The following ROBO1 variants were observed in gnomAD, a reference collection of about 807,000 sequenced individuals.
ROBO1 encodes roundabout homolog 1.
In ROBO1, 149 loss-of-function variants were observed where a neutral mutation model predicts 195.9. The observed-to-expected ratio is 0.76, with a 90% confidence interval of 0.67 to 0.87. The LOEUF (loss-of-function observed/expected upper bound fraction) is 0.87. Ranked by LOEUF, ROBO1 falls within the 40% of genes least tolerant of loss-of-function variation. The pLI is 0.00. For synonymous variants in ROBO1, 816 were observed against 733.2 expected, an observed-to-expected ratio of 1.11 and a Z score of -1.82; for missense variants, 1,933 against 2,068.3, an observed-to-expected ratio of 0.93 and a Z score of 1.27.
intron 2 of ROBO1, among the ~76,000 whole-genome samples, chr3:79,438,478 C>T (rs974738643): frequency 5.9e-5 from 9 of 151,812 alleles, no homozygotes; most frequent in Non-Finnish European, 1.3e-4. Flanking sequence ...GTAGGTGTAC[C>T]AAGGAGTTAA....
chr3:79,429,892 TATAAG>T (rs1461159929), intron 2 of ROBO1, among the ~76,000 whole-genome samples: 60 of 152,202 alleles, frequency 3.9e-4, no homozygotes, highest in Non-Finnish European at 5.4e-4. Flanking sequence ...TCTTCTTAAA[TATAAG>T]ATATGTCTGA....
chr3:79,558,192 T>G (rs1942781633), intron 2 of ROBO1, among the ~76,000 whole-genome samples: 1 of 152,160 alleles, frequency 6.6e-6, no homozygotes, highest in East Asian at 1.9e-4. Flanking sequence ...CTGCCTCTCC[T>G]GCCTTCCCCT....
intron 3 of ROBO1, among the ~76,000 whole-genome samples, chr3:79,111,231 G>A (rs999814164): frequency 3.3e-5 from 5 of 152,266 alleles, no homozygotes; most frequent in Admixed American, 6.5e-5. Context: ...TATTGTAGCC[G>A]AAATGTGACA....
chr3:78,868,687 A>C (rs1368399169), intron 4 of ROBO1, among the ~76,000 whole-genome samples: 3 of 152,164 alleles, frequency 2.0e-5, no homozygotes, highest in Admixed American at 6.5e-5. Context: ...GCCTTATATA[A>C]CACTGAAGCA....
At chr3:79,435,151 A>G (rs1036733271) in intron 2 of ROBO1, among the ~76,000 whole-genome samples, 2 of 152,224 alleles carry the variant, frequency 1.3e-5, no homozygotes, top group African/African-American at 4.8e-5. Flanking sequence ...AACATGACAC[A>G]TGTATACATA....
In ROBO1 at chr3:78,771,761, C is replaced by A. The variant is rs139656592; in HGVS notation, c.500-24861G>T. On this transcript the variant is annotated intron_variant, in intron 4 of 30. Transcript: ENST00000464233. The stretch of plus-strand genomic sequence containing the variant: ...TTTTATATCCTGAAACTTTACTACT[C>A]ATTTATCAGTTCCAGGAGTCTTTTG... 3.0e-3 allele frequency among the ~76,000 whole-genome samples: 452 copies of A among 152,206 alleles called. 5 individuals carry two copies. Among genetic ancestry groups the A allele is most frequent in the African/African-American group, 1.0e-2 (414 of 41,548 alleles).
chr3:78,629,140 A>C (rs1459811464), intron 25 of ROBO1, among the ~76,000 whole-genome samples: 1 of 152,136 alleles, frequency 6.6e-6, no homozygotes, highest in African/African-American at 2.4e-5. Flanking sequence ...CCAGGAGACC[A>C]CATCTGTGTG....
chr3:79,035,506 G>C (rs1313530511), intron 3 of ROBO1, among the ~76,000 whole-genome samples: 1 of 152,088 alleles, frequency 6.6e-6, no homozygotes, highest in African/African-American at 2.4e-5. Context: ...GATCACTCGA[G>C]GCCAGGAATT....
At chr3:78,661,297 T>C (rs370517975) in intron 15 of ROBO1, 36 bp from the exon 16 acceptor site, 1 of 1,254,622 alleles carries the variant, frequency 8.0e-7, no homozygotes, top group Non-Finnish European at 1.1e-6. Flanking sequence ...ATTATTCATA[T>C]TATTGTATTG....
At chr3:79,417,159 G>C (rs1424956712) in intron 2 of ROBO1, among the ~76,000 whole-genome samples, 1 of 152,124 alleles carries the variant, frequency 6.6e-6, no homozygotes, top group African/African-American at 2.4e-5. Flanking sequence ...CTATTGAGAA[G>C]GGGGTGGAAA....
At chr3:79,598,712 T>A (rs1419427606) in intron 1 of ROBO1, among the ~76,000 whole-genome samples, 2 of 151,852 alleles carry the variant, frequency 1.3e-5, no homozygotes, top group African/African-American at 4.8e-5. Context: ...GCCCCCTCCA[T>A]CACCTGAGAT....
At chr3:79,202,956 T>G (rs139485984) in intron 2 of ROBO1, among the ~76,000 whole-genome samples, 9 of 152,250 alleles carry the variant, frequency 5.9e-5, no homozygotes, top group African/African-American at 1.9e-4. Flanking sequence ...CTCTACCCTC[T>G]CATCCAGCTG....
chr3:78,997,555 C>T (rs2077398735), intron 3 of ROBO1, among the ~76,000 whole-genome samples: 1 of 152,102 alleles, frequency 6.6e-6, no homozygotes, highest in Non-Finnish European at 1.5e-5. Flanking sequence ...GGGTTCTAGG[C>T]ACACAGAGAT....
At chr3:78,649,125 T>TAAA (rs5850379) in intron 19 of ROBO1, among the ~76,000 whole-genome samples, 1 of 132,304 alleles carries the variant, frequency 7.6e-6, no homozygotes, top group African/African-American at 2.7e-5. Flanking sequence ...CAAGTCTTCA[T>TAAA]AAAAAAAAAA....
intron 4 of ROBO1, among the ~76,000 whole-genome samples, chr3:78,808,102 C>G (rs994411359): frequency 6.6e-6 from 1 of 152,120 alleles, no homozygotes; most frequent in Non-Finnish European, 1.5e-5. Flanking sequence ...TAAAAAATAA[C>G]TTATTTCATA....
intron 2 of ROBO1, among the ~76,000 whole-genome samples, chr3:79,505,591 T>A (rs1355278749): frequency 6.6e-6 from 1 of 152,196 alleles, no homozygotes; most frequent in East Asian, 1.9e-4. Flanking sequence ...AAAGAGGACA[T>A]GGCTGCCTAA....
chr3:78,609,015 G>A (rs1703631166), intron 28 of ROBO1, among the ~76,000 whole-genome samples: 1 of 152,080 alleles, frequency 6.6e-6, no homozygotes, highest in African/African-American at 2.4e-5. Flanking sequence ...TTTCAGGAGA[G>A]ATCAAAACCA....
At chr3:79,260,063 G>C (rs969380494) in intron 2 of ROBO1, among the ~76,000 whole-genome samples, 2 of 150,976 alleles carry the variant, frequency 1.3e-5, no homozygotes, top group African/African-American at 4.9e-5. Flanking sequence ...GTGCAGTAAT[G>C]TACTGAACTT....
intron 3 of ROBO1, among the ~76,000 whole-genome samples, chr3:79,035,581 G>T (rs1226992105): frequency 6.6e-6 from 1 of 152,036 alleles, no homozygotes; most frequent in Non-Finnish European, 1.5e-5. Flanking sequence ...AATTAGTGGG[G>T]CATGGTGGTG....
Sources: gnomAD v4.1 joint callset for allele counts (sites outside exome capture counted in the v4.1 genomes callset) on GRCh38, gnomAD v4.1.1 for gene constraint, MANE v1.5 for transcripts, NCBI Gene and HGNC (gene_info 2026-07-23, HGNC 2026-07-21) for gene names.